CADM2: variants seen among roughly 807,000 people sequenced by gnomAD.
The protein encoded by CADM2 is cell adhesion molecule 2, also known as immunoglobulin superfamily member 4D.
In CADM2, 12 loss-of-function variants were observed where a neutral mutation model predicts 49.8. That is an observed-to-expected ratio of 0.24 (90% CI 0.15 to 0.39). The LOEUF (loss-of-function observed/expected upper bound fraction) is 0.39. Ranked by LOEUF, CADM2 falls within the 10% of genes least tolerant of loss-of-function variation. CADM2 has a pLI of 1.00. For synonymous variants in CADM2, 214 were observed against 175.4 expected (o/e 1.22, Z -1.74); for missense variants, 378 against 492.3 (o/e 0.77, Z 2.20).
intron 2 of CADM2, chr3:85,800,952 C>T (rs2071987970): frequency 6.6e-6 from 1 of 152,134 alleles, no homozygotes; most frequent in Admixed American, 6.6e-5. Flanking sequence ...CATTACAAAA[C>T]TAAAGAAGAA....
chr3:85,403,239 G>A (rs1394088749), intron 1 of CADM2, among the ~76,000 whole-genome samples: 1 of 152,066 alleles, frequency 6.6e-6, no homozygotes, highest in Non-Finnish European at 1.5e-5. Context: ...TGTGGATGAA[G>A]CGACATTGTA....
chr3:85,206,136 CT>C lies in CADM2; in HGVS notation c.61+246477del, dbSNP rs552013830. On this transcript the variant is annotated intron_variant, in intron 1 of 9. Coordinates refer to ENST00000383699, the MANE Select transcript of CADM2 (RefSeq NM_001167675.2). ...TTACCTCTGGCACACATTCGTTTTG[CT>C]TTTTTTTTGTTTGTTACAGATAATA... is the stretch of plus-strand genomic sequence containing the variant. Among the ~76,000 whole-genome samples, 6 of 150,584 alleles carry C rather than the reference CT, an allele frequency of 4.0e-5. No homozygotes were observed. The South Asian group carries it at 8.4e-4, about 21-fold the overall frequency.
chr3:85,395,314 AAAG>A lies in CADM2; in HGVS notation c.62-331207_62-331205del, dbSNP rs1403411725. ...CTCCATACAAAAAAAAAAAAAAAAA[AAAG>A]GAAAGAAAAAGAAGGGGTATATGTA... is the stretch of plus-strand genomic sequence containing the variant. On this transcript the variant is annotated intron_variant, in intron 1 of 9. Coordinates refer to ENST00000383699, the MANE Select transcript of CADM2 (RefSeq NM_001167675.2). Among the ~76,000 whole-genome samples the A allele has an allele frequency of 8.2e-4, 123 of 150,628 alleles. 1 individual carries two copies. Among genetic ancestry groups the A allele is most frequent in the African/African-American group, 2.9e-3 (117 of 40,780 alleles).
intron 8 of CADM2, among the ~76,000 whole-genome samples, chr3:86,037,115 A>G (rs2107200238): frequency 6.6e-6 from 1 of 152,308 alleles, no homozygotes; most frequent in East Asian, 1.9e-4. Context: ...TAAGTTGAGT[A>G]TACAGTTGCT....
At chr3:85,768,804 T>C (rs1164791890) in intron 2 of CADM2, among the ~76,000 whole-genome samples, 2 of 109,466 alleles carry the variant, frequency 1.8e-5, no homozygotes, top group African/African-American at 7.7e-5. Flanking sequence ...TACACATATA[T>C]ACATATATAG....
At chr3:85,288,624 G>A (rs1268910223) in intron 1 of CADM2, among the ~76,000 whole-genome samples, 1 of 152,006 alleles carries the variant, frequency 6.6e-6, no homozygotes, top group East Asian at 1.9e-4. Flanking sequence ...GTAGGAAAAT[G>A]GGAGTTGGCT....
chr3:85,321,469 G>C (rs1576346123), intron 1 of CADM2, among the ~76,000 whole-genome samples: 1 of 151,754 alleles, frequency 6.6e-6, no homozygotes, highest in Non-Finnish European at 1.5e-5. Flanking sequence ...ACAAACATGA[G>C]CCACTGCACC....
At chr3:85,529,360 G>GT (rs2061243422) in intron 1 of CADM2, among the ~76,000 whole-genome samples, 1 of 152,148 alleles carries the variant, frequency 6.6e-6, no homozygotes, top group Non-Finnish European at 1.5e-5. Flanking sequence ...TAAGCAGTAG[G>GT]TAAGGTGACA....
rs1186767714 is a variant in CADM2 at position 86,028,209 on chromosome 3, TAAAAA to T, written c.971-37392_971-37388del. On this transcript the variant is annotated intron_variant, in intron 8 of 9. Transcript: ENST00000383699. ...TAGAACTTAAAGTATAATAAATAAA[TAAAAA>T]AAAGAAGTCAAAAAAAAAAAAAAGA... is the stretch of plus-strand genomic sequence containing the variant. 5.9e-5 allele frequency among the ~76,000 whole-genome samples: 7 copies of T among 118,162 alleles called. No homozygotes were observed. In the Admixed American group the frequency reaches 6.1e-4, roughly 10 times the overall value. 77.5% of individuals were successfully genotyped at this position (118,162 alleles called of 152,430 possible).
intron 1 of CADM2, among the ~76,000 whole-genome samples, chr3:85,445,213 A>T (rs1473539818): frequency 6.6e-6 from 1 of 152,146 alleles, no homozygotes; most frequent in Non-Finnish European, 1.5e-5. Context: ...ATGAAAATTT[A>T]AAACACCCTG....
intron 1 of CADM2, among the ~76,000 whole-genome samples, chr3:85,399,820 T>C (rs1251081915): frequency 6.6e-6 from 1 of 152,230 alleles, no homozygotes; most frequent in South Asian, 2.1e-4. Context: ...ATTGATTTTG[T>C]ATCCTGAGAC....
intron 1 of CADM2, among the ~76,000 whole-genome samples, chr3:85,249,754 G>A (rs2042731673): frequency 2.0e-5 from 3 of 151,682 alleles, no homozygotes; most frequent in Non-Finnish European, 3.0e-5. Context: ...TTATTATTTG[G>A]TATAATTTTT....
At chr3:84,998,673 C>T (rs2033300277) in intron 1 of CADM2, among the ~76,000 whole-genome samples, 2 of 152,088 alleles carry the variant, frequency 1.3e-5, no homozygotes, top group Non-Finnish European at 2.9e-5. Flanking sequence ...CTGGATTTCT[C>T]AGGCTTGGTA....
At chr3:85,299,534 TGTC>T (rs1470783378) in intron 1 of CADM2, among the ~76,000 whole-genome samples, 1 of 151,816 alleles carries the variant, frequency 6.6e-6, no homozygotes, top group African/African-American at 2.4e-5. Flanking sequence ...ACATAGAAAA[TGTC>T]GTATGGATCA....
At chr3:85,004,900 T>A (rs2033650211) in intron 1 of CADM2, among the ~76,000 whole-genome samples, 1 of 152,114 alleles carries the variant, frequency 6.6e-6, no homozygotes, top group South Asian at 2.1e-4. Flanking sequence ...CTGAATACAG[T>A]GGCAAATACT....
intron 1 of CADM2, among the ~76,000 whole-genome samples, chr3:85,568,972 G>C (rs2062399059): frequency 6.6e-6 from 1 of 152,058 alleles, no homozygotes; most frequent in Admixed American, 6.6e-5. Context: ...GTCTCAATTT[G>C]ACATAATTAT....
At chr3:85,240,862 G>A (rs755969840) in intron 1 of CADM2, among the ~76,000 whole-genome samples, 20 of 151,354 alleles carry the variant, frequency 1.3e-4, no homozygotes, top group Non-Finnish European at 2.2e-4. Context: ...TTATGGAGAC[G>A]TAATAGTTGT....
chr3:85,962,035 C>G (rs1316641809), intron 8 of CADM2, among the ~76,000 whole-genome samples: 1 of 151,830 alleles, frequency 6.6e-6, no homozygotes, highest in East Asian at 2.0e-4. Flanking sequence ...CTCCCGGGTT[C>G]AAGCAATTCT....
intron 8 of CADM2, among the ~76,000 whole-genome samples, chr3:86,029,424 G>A (rs552110164): frequency 1.3e-5 from 2 of 152,032 alleles, no homozygotes; most frequent in South Asian, 4.2e-4. Flanking sequence ...TTAATAGATC[G>A]TTATTTGTGG....
Sources: allele counts gnomAD v4.1 joint callset (sites outside exome capture counted in the v4.1 genomes callset), GRCh38; gene constraint gnomAD v4.1.1; transcripts MANE v1.5; gene names NCBI Gene and HGNC (gene_info 2026-07-23, HGNC 2026-07-21).